The following ANK3 variants were observed in gnomAD, a reference collection of about 807,000 sequenced individuals.
ANK3 encodes ankyrin-3.
In ANK3, 57 loss-of-function variants were observed where a neutral mutation model predicts 370.9. The observed-to-expected ratio is 0.15, with a 90% CI of 0.12 to 0.19. The LOEUF (loss-of-function observed/expected upper bound fraction) is 0.19, where lower values mean the gene tolerates loss of function less well. ANK3 is among the 10% of genes least tolerant of loss of function. The probability of loss-of-function intolerance (pLI) is 1.00; values close to 1 mark genes in which losing one functional copy is unlikely to be tolerated. For synonymous variants in ANK3, 1,929 were observed against 1,946.3 expected (o/e 0.99, Z 0.23); for missense variants, 4,439 against 5,302.1 (o/e 0.84, Z 5.06).
chr10:60,070,749 G>A lies in ANK3; in HGVS notation c.10132C>T (p.Pro3378Ser). 1 of 1,614,182 alleles carries A rather than the reference G, an allele frequency of 6.2e-7. No homozygotes were observed. Among genetic ancestry groups the A allele is most frequent in the South Asian group, 1.1e-5 (1 of 91,086 alleles). Residue 3378 changes from proline to serine, a missense_variant, in exon 37 of 44, where the codon CCT (proline) becomes TCT (serine). By Grantham distance (74) the Pro-to-Ser change is moderately conservative. Around this residue, in one of 13 missense-constraint regions of ANK3, gnomAD observed 1,601 missense variants for 1,731.7 expected, o/e 0.92. Coordinates refer to ENST00000280772, the MANE Select transcript of ANK3 (RefSeq NM_020987.5). The surrounding 1 kb of genome is among the most constrained non-coding windows in gnomAD (Gnocchi z 5.7). ...DNEFGLGLDSPQNEIAQNGNN... is the reference protein window; with the variant it reads ...DNEFGLGLDSSQNEIAQNGNN... The stretch of plus-strand genomic sequence containing the variant: ...CCATTCTGGGCAATTTCATTCTGAG[G>A]TGAATCAAGGCCAAGGCCAAATTCA...
intron 35 of ANK3, 97 bp downstream of exon 35, chr10:60,082,053 A>G (rs372182539): frequency 1.1e-6 from 1 of 909,436 alleles, no homozygotes; most frequent in African/African-American, 1.7e-5. Flanking sequence ...AATATAATTT[A>G]TATGTTTCCC....
intron 1 of ANK3, among the ~76,000 whole-genome samples, chr10:60,345,789 G>A (rs1449762262): frequency 6.6e-6 from 1 of 152,074 alleles, no homozygotes; most frequent in East Asian, 1.9e-4. Flanking sequence ...CTTTAAAACT[G>A]CATCTCACTT....
chr10:60,182,723 A>G (rs113378751), intron 17 of ANK3, among the ~76,000 whole-genome samples: 6 of 152,338 alleles, frequency 3.9e-5, no homozygotes, highest in African/African-American at 7.2e-5. Flanking sequence ...CATCAGAGCA[A>G]TTATGGAATG....
chr10:60,095,071 T>C (rs1284424987), intron 28 of ANK3, among the ~76,000 whole-genome samples: 1 of 152,244 alleles, frequency 6.6e-6, no homozygotes, highest in African/African-American at 2.4e-5. Flanking sequence ...ACCCTGACTG[T>C]GGGCCGCATT....
intron 1 of ANK3, among the ~76,000 whole-genome samples, chr10:60,301,963 A>G (rs1593328195): frequency 6.6e-6 from 1 of 152,192 alleles, no homozygotes; most frequent in African/African-American, 2.4e-5. Flanking sequence ...GGTAGGCTCA[A>G]TTAAGCTTCA....
chr10:60,389,687 T>C lies in ANK3; in HGVS notation c.-149A>G. On this transcript the variant is annotated 5_prime_UTR_variant, in exon 1 of 44. Transcript: ENST00000280772. Reference sequence around the variant, plus strand: ...CAGGAAGATATTCACAATGCAAAGATGCTGGAGAAGCTGAAGCTTTTAAAA... The same window carrying C: ...CAGGAAGATATTCACAATGCAAAGACGCTGGAGAAGCTGAAGCTTTTAAAA... 1 of 1,454,412 alleles carries C rather than the reference T, an allele frequency of 6.9e-7. No homozygotes were observed. The allele number at this position is 1,454,412 out of a possible 1,614,324, so 90.1% of individuals were successfully genotyped here.
At chr10:60,556,605 T>C (rs1402406035) in intron 2 of ANK3, among the ~76,000 whole-genome samples, 2 of 152,302 alleles carry the variant, frequency 1.3e-5, no homozygotes, top group African/African-American at 4.8e-5. Flanking sequence ...CATATCTCTA[T>C]GATGAATATA....
intron 2 of ANK3, among the ~76,000 whole-genome samples, chr10:60,518,523 A>G (rs191376341): frequency 6.6e-6 from 1 of 152,194 alleles, no homozygotes; most frequent in African/African-American, 2.4e-5. Context: ...CTCCTGAATC[A>G]GAATCTCTAA....
At chr10:60,230,921 G>T (rs1296560077) in intron 8 of ANK3, among the ~76,000 whole-genome samples, 1 of 151,242 alleles carries the variant, frequency 6.6e-6, no homozygotes, top group Non-Finnish European at 1.5e-5. Context: ...AAACCTGAAG[G>T]GTCTGTAATT....
chr10:60,149,021 T>C (rs2094958975), intron 23 of ANK3, among the ~76,000 whole-genome samples: 1 of 152,238 alleles, frequency 6.6e-6, no homozygotes, highest in Non-Finnish European at 1.5e-5. Context: ...TATAAAGAAG[T>C]ACCAGGCTCG....
At position 60,075,473 on chromosome 10, in the gene ANK3, G is replaced by T. The variant is rs1057523766; in HGVS notation, c.5408C>A (p.Ser1803Tyr). The T allele has an allele frequency of 6.2e-7, 1 of 1,612,682 alleles. No homozygotes were observed. The highest frequency in any genetic ancestry group is 8.5e-7 in the Non-Finnish European group (1 of 1,179,986). Residue 1803 changes from serine to tyrosine, a missense_variant, in exon 37 of 44, where the codon TCC becomes TAC. Physicochemically the swap from Ser to Tyr is moderately radical, Grantham distance 144. Around this residue, in one of 13 missense-constraint regions of ANK3, gnomAD observed 679 missense variants for 791.0 expected, o/e 0.86. Coordinates refer to ENST00000280772, the MANE Select transcript of ANK3 (RefSeq NM_020987.5). ...AGTTGCAGATATTGACGACCCAAGGGATGTATAGAGTGCACTTGCGGAAGG... is the reference window on the plus strand; with the variant it reads ...AGTTGCAGATATTGACGACCCAAGGTATGTATAGAGTGCACTTGCGGAAGG... Reference protein sequence around the residue: ...RTPSASALYTSLGSSISATTS... With the variant: ...RTPSASALYTYLGSSISATTS...
At chr10:60,104,303 A>T (rs1455883647) in intron 28 of ANK3, among the ~76,000 whole-genome samples, 1 of 130,126 alleles carries the variant, frequency 7.7e-6, no homozygotes, top group East Asian at 2.7e-4. Flanking sequence ...CGTTGCAGTG[A>T]GCTGAGATTG....
At chr10:60,425,438 T>C (rs1027650616) in intron 2 of ANK3, among the ~76,000 whole-genome samples, 2 of 152,256 alleles carry the variant, frequency 1.3e-5, no homozygotes, top group East Asian at 3.9e-4. Context: ...TCAAGTTCTA[T>C]GTGTTTAAAC....
At chr10:60,696,382 A>C (rs2079450237) in intron 1 of ANK3, among the ~76,000 whole-genome samples, 1 of 149,550 alleles carries the variant, frequency 6.7e-6, no homozygotes, top group African/African-American at 2.5e-5. Context: ...AAAAGAGGGA[A>C]TCCTCCCTAA....
At chr10:60,665,089 T>C (rs145652809) in intron 1 of ANK3, among the ~76,000 whole-genome samples, 4 of 152,254 alleles carry the variant, frequency 2.6e-5, no homozygotes, top group African/African-American at 7.2e-5. Context: ...CCCAGCCCCA[T>C]TGGGTACTCA....
In ANK3 at chr10:60,272,089, TTGTGTGTGTGTGTGTGTG is replaced by T. The variant is rs5785433; in HGVS notation, c.415-1878_415-1861del. Among the ~76,000 whole-genome samples the T allele has an allele frequency of 2.7e-5, 4 of 145,732 alleles. No individual in the cohort carries two copies. In the Admixed American group the frequency reaches 2.8e-4, roughly 10 times the overall value. On this transcript the variant is annotated intron_variant, in intron 4 of 43. Coordinates refer to ENST00000280772, the MANE Select transcript of ANK3 (RefSeq NM_020987.5). Reference sequence around the variant, plus strand: ...TGGAGTACTTGGAACACTGTGGGATTTGTGTGTGTGTGTGTGTGTGTGTGTGTGTGTGTGTGTGCATGC... The same window carrying T: ...TGGAGTACTTGGAACACTGTGGGATTTGTGTGTGTGTGTGTGTGTGCATGC...
At chr10:60,529,343 A>C (rs2076551071) in intron 2 of ANK3, among the ~76,000 whole-genome samples, 1 of 152,196 alleles carries the variant, frequency 6.6e-6, no homozygotes, top group Non-Finnish European at 1.5e-5. Context: ...CCTAGGCATA[A>C]ACACAATGAG....
intron 2 of ANK3, among the ~76,000 whole-genome samples, chr10:60,449,181 A>G (rs1341424000): frequency 1.3e-5 from 2 of 152,188 alleles, no homozygotes; most frequent in African/African-American, 4.8e-5. Context: ...AGTAGTCTAT[A>G]TTTCTATGAA....
chr10:60,191,320 T>C (rs1253766505), intron 16 of ANK3, among the ~76,000 whole-genome samples: 1 of 151,002 alleles, frequency 6.6e-6, no homozygotes, highest in African/African-American at 2.4e-5. Flanking sequence ...TGGGAGAAAA[T>C]ATTCACAACT....
Sources: allele counts gnomAD v4.1 joint callset (sites outside exome capture counted in the v4.1 genomes callset), GRCh38; gene constraint gnomAD v4.1.1; regional missense constraint gnomAD v4.1.1; non-coding constraint Gnocchi (gnomAD v3.1); transcripts MANE v1.5; gene names NCBI Gene and HGNC (gene_info 2026-07-23, HGNC 2026-07-21).